NXPE2: variants seen among roughly 807,000 people sequenced by gnomAD.
The protein encoded by NXPE2 is NXPE family member 2.
A neutral mutation model predicts 34.4 loss-of-function variants in NXPE2; 34 were observed. That is an observed-to-expected ratio of 0.99 (90% CI 0.75 to 1.31). NXPE2 has a LOEUF of 1.31. NXPE2 is among the 40% of genes most tolerant of loss of function. The pLI is 0.00. For synonymous variants in NXPE2, 235 were observed against 231.3 expected (o/e 1.02, Z -0.15); for missense variants, 649 against 672.5 (o/e 0.97, Z 0.39).
the NXPE2 span, among the ~76,000 whole-genome samples, chr11:114,526,889 C>A: frequency 1.3e-5 from 2 of 152,288 alleles, no homozygotes; most frequent in East Asian, 3.9e-4. Context: ...TTATTATTTG[C>A]TTAAATCCAG....
the NXPE2 span, among the ~76,000 whole-genome samples, chr11:114,755,706 A>C: frequency 6.7e-6 from 1 of 149,148 alleles, no homozygotes; most frequent in Non-Finnish European, 1.5e-5. Flanking sequence ...CCATCTATCT[A>C]TCCATCTATC....
At chr11:114,753,127 C>A in the NXPE2 span, among the ~76,000 whole-genome samples, 1 of 152,048 alleles carries the variant, frequency 6.6e-6, no homozygotes, top group Non-Finnish European at 1.5e-5. Context: ...GTGAAGTGGG[C>A]TGGGTGAAGT....
At chr11:114,664,620 A>G in the NXPE2 span, among the ~76,000 whole-genome samples, 1 of 152,136 alleles carries the variant, frequency 6.6e-6, no homozygotes, top group Non-Finnish European at 1.5e-5. Context: ...ACATATATAT[A>G]ATTTTGTATG....
the NXPE2 span, among the ~76,000 whole-genome samples, chr11:114,797,380 T>A: frequency 6.6e-6 from 1 of 152,162 alleles, no homozygotes; most frequent in Non-Finnish European, 1.5e-5. Context: ...ACACCCCACC[T>A]TCTTCTATTT....
chr11:114,537,704 C>T, the NXPE2 span, among the ~76,000 whole-genome samples: 1 of 151,898 alleles, frequency 6.6e-6, no homozygotes, highest in South Asian at 2.1e-4. Context: ...GAATAAAATA[C>T]CTAGGAATCC....
At chr11:114,576,977 A>T in the NXPE2 span, among the ~76,000 whole-genome samples, 10 of 90,764 alleles carry the variant, frequency 1.1e-4, no homozygotes, top group Middle Eastern at 5.7e-3. Flanking sequence ...GAAGATGTTT[A>T]TATATATATA....
the NXPE2 span, chr11:114,529,812 C>A: frequency 4.9e-6 from 1 of 202,978 alleles, no homozygotes; most frequent in Non-Finnish European, 1.0e-5. Context: ...AATAGCAGCA[C>A]TGTGCGTGGG....
chr11:114,610,416 C>A, the NXPE2 span, among the ~76,000 whole-genome samples: 1 of 150,014 alleles, frequency 6.7e-6, no homozygotes, highest in African/African-American at 2.4e-5. Flanking sequence ...GGGAATAATA[C>A]CTATTGCCTC....
chr11:114,759,291 T>G, the NXPE2 span, among the ~76,000 whole-genome samples: 1 of 152,176 alleles, frequency 6.6e-6, no homozygotes, highest in Non-Finnish European at 1.5e-5. Flanking sequence ...GCCATCTAGG[T>G]TTGAAATCTG....
the NXPE2 span, among the ~76,000 whole-genome samples, chr11:114,546,104 A>C: frequency 6.6e-6 from 1 of 152,252 alleles, no homozygotes; most frequent in African/African-American, 2.4e-5. Context: ...AATGTATGAC[A>C]TAACCTTGCT....
chr11:114,682,071 AGAG>A lies in NXPE2; in HGVS notation c.132+2313_132+2315del, dbSNP rs571275401. ...AAAGGCAAAACCTTCATTCTATGAG[AGAG>A]GAGACTTAATTTTCCAAACAATAAG... is the stretch of plus-strand genomic sequence containing the variant. On this transcript the variant is annotated intron_variant, in intron 2 of 5. Transcript: ENST00000389586. Among the ~76,000 whole-genome samples, 388 of 152,356 alleles carry A rather than the reference AGAG, an allele frequency of 2.5e-3. 2 individuals are homozygous for A. Among genetic ancestry groups the A allele is most frequent in the Admixed American group, 4.7e-3 (72 of 15,302 alleles).
downstream of NXPE2, among the ~76,000 whole-genome samples, chr11:114,708,956 C>G (rs1191814332): frequency 6.6e-6 from 1 of 152,186 alleles, no homozygotes; most frequent in Non-Finnish European, 1.5e-5. Flanking sequence ...CTATATCACT[C>G]TACAACTCAC....
chr11:114,719,884 C>T, the NXPE2 span, among the ~76,000 whole-genome samples: 1 of 152,176 alleles, frequency 6.6e-6, no homozygotes, highest in Admixed American at 6.5e-5. Context: ...CCTACTGCCT[C>T]CTAACACTTG....
chr11:114,625,947 C>T, the NXPE2 span, among the ~76,000 whole-genome samples: 18 of 152,152 alleles, frequency 1.2e-4, no homozygotes, highest in Admixed American at 5.2e-4. Context: ...CACTCCCACC[C>T]GAATACTGCA....
chr11:114,585,117 T>C, the NXPE2 span, among the ~76,000 whole-genome samples: 1 of 151,938 alleles, frequency 6.6e-6, no homozygotes, highest in Non-Finnish European at 1.5e-5. Flanking sequence ...TTAGATTGGT[T>C]CCATTCTCAT....
intron 2 of NXPE2, among the ~76,000 whole-genome samples, chr11:114,696,802 T>C (rs896282378): frequency 6.6e-6 from 1 of 152,200 alleles, no homozygotes; most frequent in Non-Finnish European, 1.5e-5. Flanking sequence ...CCCCTGAATA[T>C]GACCTACAGT....
chr11:114,748,271 T>C, the NXPE2 span, among the ~76,000 whole-genome samples: 11 of 152,226 alleles, frequency 7.2e-5, no homozygotes, highest in Non-Finnish European at 1.6e-4. Context: ...GCCTATGTGT[T>C]GCTCCTTTGT....
chr11:114,578,666 C>T, the NXPE2 span, among the ~76,000 whole-genome samples: 3 of 152,172 alleles, frequency 2.0e-5, no homozygotes, highest in Non-Finnish European at 4.4e-5. Context: ...GATGGAGCCA[C>T]AGCTACTGCA....
the NXPE2 span, among the ~76,000 whole-genome samples, chr11:114,800,717 A>C: frequency 6.6e-6 from 1 of 152,180 alleles, no homozygotes; most frequent in Non-Finnish European, 1.5e-5. Context: ...AATTTTACTT[A>C]CTGTGTAATC....
Sources: allele counts gnomAD v4.1 joint callset (sites outside exome capture counted in the v4.1 genomes callset), GRCh38; gene constraint gnomAD v4.1.1; transcripts MANE v1.5; gene names NCBI Gene and HGNC (gene_info 2026-07-23, HGNC 2026-07-21).